Variants in NRXN3 observed in about 807,000 individuals in gnomAD.
NRXN3 encodes the protein neurexin III.
In NRXN3, 32 loss-of-function variants were observed where a neutral mutation model predicts 137.6. That is an observed-to-expected ratio of 0.23 (90% CI 0.18 to 0.31). The LOEUF (loss-of-function observed/expected upper bound fraction) is 0.31, where lower values mean the gene tolerates loss of function less well. Among genes scored for constraint, NRXN3 ranks in the 10% least tolerant of loss-of-function variants. The pLI is 1.00. For missense variants in NRXN3, 1,574 were observed against 2,062.5 expected (o/e 0.76, Z 4.59); for synonymous variants, 798 against 784.5 (o/e 1.02, Z -0.29).
intron 15 of NRXN3, among the ~76,000 whole-genome samples, chr14:79,186,630 T>A (rs1321574958): frequency 6.6e-6 from 1 of 152,178 alleles, no homozygotes; most frequent in Non-Finnish European, 1.5e-5. Context: ...GAGTAACAGA[T>A]CTCACTTGGG....
intron 4 of NRXN3, among the ~76,000 whole-genome samples, chr14:78,421,695 T>A (rs1286278919): frequency 6.6e-6 from 1 of 152,192 alleles, no homozygotes; most frequent in Non-Finnish European, 1.5e-5. Flanking sequence ...TCTTTCATTT[T>A]ATTTTTTAAA....
At chr14:79,664,236 A>G (rs1323121089) in intron 17 of NRXN3, among the ~76,000 whole-genome samples, 1 of 152,170 alleles carries the variant, frequency 6.6e-6, no homozygotes, top group Non-Finnish European at 1.5e-5. Flanking sequence ...CAGGGCCTGT[A>G]GATGAGGAGC....
At chr14:78,977,443 C>G (rs138278207) in intron 14 of NRXN3, among the ~76,000 whole-genome samples, 2 of 152,262 alleles carry the variant, frequency 1.3e-5, no homozygotes, top group East Asian at 1.9e-4. Context: ...CCAGCAGACC[C>G]CTACATCAGT....
intron 4 of NRXN3, among the ~76,000 whole-genome samples, chr14:78,598,156 G>A (rs1362321489): frequency 1.3e-5 from 2 of 152,194 alleles, no homozygotes; most frequent in East Asian, 3.9e-4. Context: ...AGTGATTTGT[G>A]TGCAGTTTAC....
At chr14:78,860,577 T>C (rs1357667425) in intron 10 of NRXN3, among the ~76,000 whole-genome samples, 2 of 152,172 alleles carry the variant, frequency 1.3e-5, no homozygotes, top group African/African-American at 4.8e-5. Flanking sequence ...TTATGACAAC[T>C]AGGATGCATT....
At chr14:79,782,397 A>G (rs943206676) in intron 19 of NRXN3, among the ~76,000 whole-genome samples, 3 of 152,194 alleles carry the variant, frequency 2.0e-5, no homozygotes, top group African/African-American at 7.2e-5. Flanking sequence ...ACCTTGGATG[A>G]GTCATGGTAA....
intron 20 of NRXN3, among the ~76,000 whole-genome samples, chr14:79,824,524 A>G (rs865939997): frequency 1.3e-5 from 2 of 152,236 alleles, no homozygotes; most frequent in African/African-American, 2.4e-5. Context: ...AAGCCCTCAG[A>G]AAAGCAATTT....
chr14:79,668,801 A>G (rs2098587081), intron 17 of NRXN3, among the ~76,000 whole-genome samples: 1 of 152,040 alleles, frequency 6.6e-6, no homozygotes, highest in South Asian at 2.1e-4. Flanking sequence ...ACAAGTGCCA[A>G]ATACCCTCTG....
At chr14:78,600,541 T>C (rs1285173800) in intron 4 of NRXN3, among the ~76,000 whole-genome samples, 1 of 152,216 alleles carries the variant, frequency 6.6e-6, no homozygotes, top group African/African-American at 2.4e-5. Context: ...CTTTCTTCAT[T>C]CACCTTTAAT....
At chr14:78,727,308 G>A (rs1002043368) in intron 8 of NRXN3, among the ~76,000 whole-genome samples, 2 of 152,200 alleles carry the variant, frequency 1.3e-5, no homozygotes, top group Non-Finnish European at 2.9e-5. Flanking sequence ...CAAGGAGAAA[G>A]CATGTATTGT....
chr14:78,262,190 G>A lies in NRXN3; in HGVS notation c.710-16455G>A, dbSNP rs116687142. On this transcript the variant is annotated intron_variant, in intron 2 of 20. Transcript: ENST00000335750. ...GAACAAGATTGGTTAGTTTGATATC[G>A]TTGGCCAGAACTATGTCTTTCACTT... is the stretch of plus-strand genomic sequence containing the variant. Among the ~76,000 whole-genome samples the A allele has an allele frequency of 7.5e-3, 1,137 of 152,242 alleles. 19 individuals carry two copies. Among genetic ancestry groups the A allele is most frequent in the African/African-American group, 0.026 (1,086 of 41,532 alleles).
intron 10 of NRXN3, among the ~76,000 whole-genome samples, chr14:78,815,508 T>A (rs941328842): frequency 7.0e-6 from 1 of 143,298 alleles, no homozygotes; most frequent in Admixed American, 6.9e-5. Flanking sequence ...TTTTGCCTTT[T>A]CCCTTAGCTT....
Position 78,786,761 on chromosome 14 carries a change from G to GTA in NRXN3, c.2045-16857_2045-16856dup, listed in dbSNP as rs1188864624. On this transcript the variant is annotated intron_variant, in intron 8 of 20. Coordinates refer to ENST00000335750, the MANE Select transcript of NRXN3 (RefSeq NM_001330195.2). ...TATACTTATGTATATGTACACATATGTATTTAATCATCTGTTTCACAACAT... is the reference window on the plus strand; with the variant it reads ...TATACTTATGTATATGTACACATATGTATATTTAATCATCTGTTTCACAACAT... Among the ~76,000 whole-genome samples, 6 of 152,254 alleles carry GTA rather than the reference G, an allele frequency of 3.9e-5. No individual in the cohort carries two copies. The East Asian group carries it at 1.2e-3, about 29-fold the overall frequency.
At chr14:79,408,976 A>G (rs540786571) in intron 15 of NRXN3, among the ~76,000 whole-genome samples, 21 of 152,228 alleles carry the variant, frequency 1.4e-4, no homozygotes, top group African/African-American at 4.1e-4. Context: ...CCATTAGAAT[A>G]GTTACCAGAA....
At chr14:79,427,830 C>CA (rs72009535) in intron 15 of NRXN3, among the ~76,000 whole-genome samples, 49,657 of 119,086 alleles carry the variant, frequency 0.42, 9,548 homozygotes, top group Middle Eastern at 0.53. Flanking sequence ...GACTCCATCT[C>CA]AAAAAAAAAA....
intron 10 of NRXN3, among the ~76,000 whole-genome samples, chr14:78,892,560 T>C (rs1421836880): frequency 6.6e-6 from 1 of 151,892 alleles, no homozygotes; most frequent in Admixed American, 6.6e-5. Flanking sequence ...CTTTTTTTTT[T>C]TTCTTACCCA....
chr14:79,531,310 AG>A (rs1376999012), intron 16 of NRXN3, among the ~76,000 whole-genome samples: 3 of 152,184 alleles, frequency 2.0e-5, no homozygotes, highest in African/African-American at 7.2e-5. Flanking sequence ...GAGGACGTGG[AG>A]TTTGTTGCTT....
At chr14:79,806,869 C>A (rs1357975558) in intron 20 of NRXN3, among the ~76,000 whole-genome samples, 1 of 140,668 alleles carries the variant, frequency 7.1e-6, no homozygotes, top group African/African-American at 2.6e-5. Flanking sequence ...TAATAGGTCA[C>A]AATCCTCAAT....
intron 15 of NRXN3, among the ~76,000 whole-genome samples, chr14:79,440,111 G>A (rs1021500335): frequency 6.6e-6 from 1 of 152,186 alleles, no homozygotes; most frequent in Non-Finnish European, 1.5e-5. Flanking sequence ...TAGTGAAGGA[G>A]TAAGGAAAAG....
Sources: gnomAD v4.1 joint callset for allele counts (sites outside exome capture counted in the v4.1 genomes callset) on GRCh38, gnomAD v4.1.1 for gene constraint, MANE v1.5 for transcripts, NCBI Gene and HGNC (gene_info 2026-07-23, HGNC 2026-07-21) for gene names.